Variants in NRXN3 observed in about 807,000 individuals in gnomAD.
NRXN3 encodes neurexin 3, also known as neurexin III.
Under a neutral mutation model 137.6 loss-of-function variants are expected in NRXN3, and 32 were observed. That is an observed-to-expected ratio of 0.23 (90% CI 0.18 to 0.31). NRXN3 has a LOEUF of 0.31. NRXN3 is among the 10% of genes least tolerant of loss of function. The pLI is 1.00. For synonymous variants in NRXN3, 798 were observed against 784.5 expected (o/e 1.02, Z -0.29); for missense variants, 1,574 against 2,062.5 (o/e 0.76, Z 4.59).
chr14:79,617,395 A>G (rs1052364862), intron 16 of NRXN3, among the ~76,000 whole-genome samples: 14 of 151,472 alleles, frequency 9.2e-5, no homozygotes, highest in African/African-American at 2.7e-4. Context: ...AATTTCACCA[A>G]TTATCTCACC....
chr14:79,773,248 T>TA lies in NRXN3; in HGVS notation c.4015-31863dup, dbSNP rs1343950081. Among the ~76,000 whole-genome samples the TA allele has an allele frequency of 5.9e-5, 9 of 152,208 alleles. No individual in the cohort carries two copies. The East Asian group carries it at 7.7e-4, about 13-fold the overall frequency. ...TTCCTCAGGGATCAAGAACTAGAAATACCATTTGACCCAGCCATCCCATTA... is the reference window on the plus strand; with the variant it reads ...TTCCTCAGGGATCAAGAACTAGAAATAACCATTTGACCCAGCCATCCCATTA... On this transcript the variant is annotated intron_variant, in intron 19 of 20. Coordinates refer to ENST00000335750, the MANE Select transcript of NRXN3 (RefSeq NM_001330195.2).
intron 15 of NRXN3, among the ~76,000 whole-genome samples, chr14:79,205,812 A>G (rs1469555931): frequency 6.6e-6 from 1 of 152,212 alleles, no homozygotes; most frequent in Non-Finnish European, 1.5e-5. Flanking sequence ...ATTGACTGAC[A>G]GCTGACTTTT....
intron 4 of NRXN3, among the ~76,000 whole-genome samples, chr14:78,610,762 G>A (rs906347437): frequency 2.0e-5 from 3 of 152,200 alleles, no homozygotes; most frequent in East Asian, 3.9e-4. Context: ...ACCATGGGGG[G>A]CAGGTGTGGG....
chr14:78,836,680 C>T (rs764111537), intron 10 of NRXN3, among the ~76,000 whole-genome samples: 1 of 152,068 alleles, frequency 6.6e-6, no homozygotes, highest in Non-Finnish European at 1.5e-5. Context: ...TTAGTGGGCT[C>T]TAGTATTAGT....
intron 1 of NRXN3, among the ~76,000 whole-genome samples, chr14:78,215,869 C>T (rs1277826459): frequency 6.6e-6 from 1 of 152,092 alleles, no homozygotes; most frequent in Non-Finnish European, 1.5e-5. Context: ...CCTGCTTCTT[C>T]CTTCTTAAGG....
Position 78,349,356 on chromosome 14 carries a change from G to C in NRXN3, c.757+51496G>C, listed in dbSNP as rs1476602108. ...GACATTTTGACAGGCAGTTATTCAT[G>C]GGGAGGCCTAACCTGATTTGGGCCT... On this transcript the variant is annotated intron_variant, in intron 4 of 20. Transcript: ENST00000335750. 3.9e-5 allele frequency among the ~76,000 whole-genome samples: 6 copies of C among 152,270 alleles called. No homozygotes were observed. In the East Asian group the frequency reaches 1.2e-3, roughly 29 times the overall value.
intron 15 of NRXN3, among the ~76,000 whole-genome samples, chr14:79,113,178 C>A (rs1054886541): frequency 2.0e-5 from 3 of 152,122 alleles, no homozygotes; most frequent in Non-Finnish European, 4.4e-5. Flanking sequence ...CCAGACATTG[C>A]CAAATGTCCT....
chr14:78,967,147 A>G, intron 12 of NRXN3, 61 bp from the exon 13 acceptor site: 1 of 1,446,496 alleles, frequency 6.9e-7, no homozygotes, highest in Admixed American at 2.0e-5. Flanking sequence ...TTACACACAT[A>G]TAGCCATTAA....
chr14:79,408,157 T>C (rs540461153), intron 15 of NRXN3, among the ~76,000 whole-genome samples: 1 of 152,126 alleles, frequency 6.6e-6, no homozygotes, highest in South Asian at 2.1e-4. Flanking sequence ...GTGCCCGGCA[T>C]GTAAGGAGTG....
At chr14:79,630,760 A>G (rs924819572) in intron 16 of NRXN3, among the ~76,000 whole-genome samples, 2 of 152,220 alleles carry the variant, frequency 1.3e-5, no homozygotes, top group African/African-American at 4.8e-5. Context: ...TAAATAAAAA[A>G]TTTAGACCAG....
chr14:78,564,333 C>T (rs2096817365), intron 4 of NRXN3, among the ~76,000 whole-genome samples: 1 of 152,214 alleles, frequency 6.6e-6, no homozygotes, highest in Non-Finnish European at 1.5e-5. Flanking sequence ...AGAGCAACCT[C>T]ACACATCTTC....
At chr14:78,192,119 C>A (rs2060807694) in intron 1 of NRXN3, among the ~76,000 whole-genome samples, 1 of 143,148 alleles carries the variant, frequency 7.0e-6, no homozygotes, top group Non-Finnish European at 1.5e-5. Flanking sequence ...AGAGAGAGAG[C>A]ATACATGTGT....
chr14:78,845,890 G>A (rs1183551483), intron 10 of NRXN3, among the ~76,000 whole-genome samples: 3 of 150,588 alleles, frequency 2.0e-5, no homozygotes, highest in African/African-American at 7.4e-5. Flanking sequence ...TTTCAGGACA[G>A]TATGAGTATG....
intron 4 of NRXN3, among the ~76,000 whole-genome samples, chr14:78,411,128 A>C (rs1305539593): frequency 6.6e-6 from 1 of 152,172 alleles, no homozygotes; most frequent in East Asian, 1.9e-4. Context: ...ATAGCCAACC[A>C]TTTGGTCAAC....
At chr14:79,651,447 T>G (rs1286212875) in intron 16 of NRXN3, among the ~76,000 whole-genome samples, 1 of 152,166 alleles carries the variant, frequency 6.6e-6, no homozygotes, top group Non-Finnish European at 1.5e-5. Context: ...TGTCAGATGC[T>G]TGGCTGAACA....
chr14:79,697,683 G>C lies in NRXN3; in HGVS notation c.3760G>C (p.Asp1254His), dbSNP rs990479889. 1 of 1,612,870 alleles carries C rather than the reference G, an allele frequency of 6.2e-7. No individual in the cohort carries two copies. Among genetic ancestry groups the C allele is most frequent in the African/African-American group, 1.3e-5 (1 of 74,820 alleles). ...GGCGCAAATAGCCATTGGTGGAAAG[G>C]ACAAAGGACGCCTCTTCCAAGGCCA... ...TQAQIAIGGKDKGRLFQGQLS... is the reference protein window; with the variant it reads ...TQAQIAIGGKHKGRLFQGQLS... The change falls in exon 19 of 21, where the codon GAC becomes CAC. Residue 1254 changes from aspartate to histidine, a missense_variant. Around this residue, in one of 5 missense-constraint regions of NRXN3, gnomAD observed 133 missense variants for 241.8 expected, o/e 0.55. Transcript: ENST00000335750.
At chr14:78,500,981 T>C (rs2095867677) in intron 4 of NRXN3, among the ~76,000 whole-genome samples, 1 of 152,166 alleles carries the variant, frequency 6.6e-6, no homozygotes, top group African/African-American at 2.4e-5. Flanking sequence ...TTATTGTTCT[T>C]GGAGGCTAGA....
chr14:79,169,104 C>G (rs896987346), intron 15 of NRXN3, among the ~76,000 whole-genome samples: 1 of 152,090 alleles, frequency 6.6e-6, no homozygotes, highest in Non-Finnish European at 1.5e-5. Context: ...CCCTTCCATC[C>G]TCAGTCACCC....
At chr14:79,656,688 G>A (rs57433168) in intron 16 of NRXN3, among the ~76,000 whole-genome samples, 9 of 148,446 alleles carry the variant, frequency 6.1e-5, no homozygotes, top group Admixed American at 1.4e-4. Context: ...ATCTCTCTGC[G>A]CCCTCTGTTA....
Sources: allele counts gnomAD v4.1 joint callset (sites outside exome capture counted in the v4.1 genomes callset), GRCh38; gene constraint gnomAD v4.1.1; regional missense constraint gnomAD v4.1.1; transcripts MANE v1.5; gene names NCBI Gene and HGNC (gene_info 2026-07-23, HGNC 2026-07-21).